Variants in CNTN5 observed in about 807,000 individuals in gnomAD.
CNTN5 encodes contactin-5.
A neutral mutation model predicts 129.1 loss-of-function variants in CNTN5; 77 were observed. The ratio of observed to expected loss-of-function variants is 0.60; its 90% CI spans 0.50 to 0.72. The LOEUF (loss-of-function observed/expected upper bound fraction) is 0.72, where lower values mean the gene tolerates loss of function less well. CNTN5 is among the 30% of genes least tolerant of loss of function. CNTN5 has a pLI of 0.00. For synonymous variants in CNTN5, 509 were observed against 465.6 expected (o/e 1.09, Z -1.20); for missense variants, 1,478 against 1,328.8 (o/e 1.11, Z -1.75).
chr11:99,646,763 AC>A (rs1184852560), intron 3 of CNTN5, among the ~76,000 whole-genome samples: 1 of 151,932 alleles, frequency 6.6e-6, no homozygotes, highest in East Asian at 1.9e-4. Context: ...AAAAGACTGA[AC>A]AAAAATTTAA....
chr11:99,278,174 A>G (rs1863531820), intron 1 of CNTN5, among the ~76,000 whole-genome samples: 1 of 151,580 alleles, frequency 6.6e-6, no homozygotes, highest in African/African-American at 2.4e-5. Flanking sequence ...CTGTTGTAAC[A>G]TGGAAATGCT....
chr11:99,523,948 C>T (rs1250173610), intron 2 of CNTN5, among the ~76,000 whole-genome samples: 1 of 151,906 alleles, frequency 6.6e-6, no homozygotes, highest in South Asian at 2.1e-4. Flanking sequence ...TCTGAATAGC[C>T]CAGACTACTT....
At position 99,103,595 on chromosome 11, in the gene CNTN5, A is replaced by G. The variant is rs149688533; in HGVS notation, c.-210+82325A>G. On this transcript the variant is annotated intron_variant, in intron 1 of 24. Coordinates refer to ENST00000524871, the MANE Select transcript of CNTN5 (RefSeq NM_014361.4). The stretch of plus-strand genomic sequence containing the variant: ...CAAATATGAATATCCCAGTGTAGTG[A>G]GTTGAATTGTGCCCTTCAAAGGATT... Among the ~76,000 whole-genome samples, 12 of 152,278 alleles carry G rather than the reference A, an allele frequency of 7.9e-5. No individual in the cohort carries two copies. In the East Asian group the frequency reaches 1.9e-3, roughly 24 times the overall value.
intron 2 of CNTN5, among the ~76,000 whole-genome samples, chr11:99,399,334 G>A (rs573019551): frequency 6.6e-6 from 1 of 151,812 alleles, no homozygotes; most frequent in African/African-American, 2.4e-5. Flanking sequence ...TCTAAATTAT[G>A]AGATCCTTGT....
chr11:99,110,136 T>C (rs1218550851), intron 1 of CNTN5, among the ~76,000 whole-genome samples: 1 of 151,738 alleles, frequency 6.6e-6, no homozygotes, highest in East Asian at 1.9e-4. Context: ...CCTCAAAGAG[T>C]AGCATTTTAG....
intron 3 of CNTN5, among the ~76,000 whole-genome samples, chr11:99,617,577 T>C (rs1591367973): frequency 6.6e-6 from 1 of 152,314 alleles, no homozygotes; most frequent in South Asian, 2.1e-4. Context: ...CTTATTTTCC[T>C]CAATGACAAC....
chr11:99,575,256 A>T (rs981354103), intron 3 of CNTN5, among the ~76,000 whole-genome samples: 1 of 152,224 alleles, frequency 6.6e-6, no homozygotes, highest in African/African-American at 2.4e-5. Context: ...AGAAAATTTG[A>T]TACTTAAAGA....
intron 3 of CNTN5, among the ~76,000 whole-genome samples, chr11:99,693,878 G>C (rs75828003): frequency 8.1e-4 from 123 of 152,172 alleles, no homozygotes; most frequent in Middle Eastern, 3.4e-3. Context: ...CCCTATTGAT[G>C]AAGGAGATAG....
intron 2 of CNTN5, among the ~76,000 whole-genome samples, chr11:99,463,165 G>A (rs1486092679): frequency 1.3e-4 from 16 of 122,538 alleles, no homozygotes; most frequent in South Asian, 1.0e-3. Context: ...AAGTCCAGGC[G>A]CGGTGACTCA....
At chr11:99,524,925 G>C (rs1053094545) in intron 2 of CNTN5, among the ~76,000 whole-genome samples, 2 of 151,982 alleles carry the variant, frequency 1.3e-5, no homozygotes, top group Admixed American at 6.6e-5. Context: ...AAGTTCTTAT[G>C]ATCAATTGGC....
intron 13 of CNTN5, among the ~76,000 whole-genome samples, chr11:100,125,415 C>A (rs917965051): frequency 6.6e-6 from 1 of 152,020 alleles, no homozygotes; most frequent in Non-Finnish European, 1.5e-5. Context: ...TGAAAACATG[C>A]AGAATTTGGT....
chr11:100,193,451 G>T, intron 14 of CNTN5, 37 bp from the exon 15 acceptor site: 2 of 1,291,296 alleles, frequency 1.5e-6, no homozygotes, highest in Non-Finnish European at 2.1e-6. Flanking sequence ...AACACAACAG[G>T]TTGATTATCT....
intron 1 of CNTN5, among the ~76,000 whole-genome samples, chr11:99,141,632 T>C (rs1859521758): frequency 6.6e-6 from 1 of 152,192 alleles, no homozygotes; most frequent in African/African-American, 2.4e-5. Flanking sequence ...TTAATGTGGG[T>C]ATTTAGCACT....
intron 1 of CNTN5, among the ~76,000 whole-genome samples, chr11:99,184,951 T>C (rs1858265755): frequency 6.7e-6 from 1 of 148,486 alleles, no homozygotes; most frequent in Non-Finnish European, 1.5e-5. Flanking sequence ...TCAAACCTAT[T>C]AAATAAATCA....
chr11:100,036,274 C>G (rs563670742), intron 9 of CNTN5, among the ~76,000 whole-genome samples: 1 of 128,492 alleles, frequency 7.8e-6, no homozygotes, highest in African/African-American at 2.8e-5. Flanking sequence ...GATCAGATAG[C>G]TGTAGATATG....
chr11:99,247,025 G>A (rs1861844698), intron 1 of CNTN5, among the ~76,000 whole-genome samples: 2 of 152,082 alleles, frequency 1.3e-5, no homozygotes, highest in South Asian at 4.1e-4. Context: ...TTACTGAAAA[G>A]TGAACGTCAG....
At chr11:99,842,573 T>TGTC (rs1428651188) in intron 4 of CNTN5, among the ~76,000 whole-genome samples, 1 of 152,200 alleles carries the variant, frequency 6.6e-6, no homozygotes, top group Admixed American at 6.5e-5. Flanking sequence ...GCTCAGGAGT[T>TGTC]GTCTATAACA....
chr11:99,491,917 C>G (rs1448249705), intron 2 of CNTN5, among the ~76,000 whole-genome samples: 2 of 152,136 alleles, frequency 1.3e-5, no homozygotes, highest in Non-Finnish European at 2.9e-5. Context: ...AATCATTATC[C>G]TGAAGAGGTT....
At chr11:99,120,781 T>G (rs1312474887) in intron 1 of CNTN5, among the ~76,000 whole-genome samples, 1 of 152,160 alleles carries the variant, frequency 6.6e-6, no homozygotes, top group East Asian at 1.9e-4. Context: ...CAGATGCAGA[T>G]GTACAAAATT....
Sources: allele counts gnomAD v4.1 joint callset (sites outside exome capture counted in the v4.1 genomes callset), GRCh38; gene constraint gnomAD v4.1.1; transcripts MANE v1.5; gene names NCBI Gene and HGNC (gene_info 2026-07-23, HGNC 2026-07-21).